The following SDK1 variants were observed in gnomAD, a reference collection of about 807,000 sequenced individuals.
SDK1 encodes sidekick cell adhesion molecule 1.
SDK1 carries 157 observed loss-of-function variants against 245.5 expected under a neutral mutation model. The observed-to-expected ratio is 0.64, with a 90% CI of 0.56 to 0.73. The LOEUF (loss-of-function observed/expected upper bound fraction) is 0.73. Ranked by LOEUF, SDK1 falls within the 30% of genes least tolerant of loss-of-function variation. The pLI is 0.00. For synonymous variants in SDK1, 1,647 were observed against 1,278.5 expected (o/e 1.29, Z -6.15); for missense variants, 3,583 against 3,002.3 (o/e 1.19, Z -4.52).
intron 1 of SDK1, among the ~76,000 whole-genome samples, chr7:3,410,875 C>G (rs1271806126): frequency 6.6e-6 from 1 of 152,212 alleles, no homozygotes; most frequent in African/African-American, 2.4e-5. Context: ...GTTTGAGCTA[C>G]CACGCCCAGC....
chr7:3,828,658 TTTTTTTTG>T (rs1356159836), intron 5 of SDK1, among the ~76,000 whole-genome samples: 11 of 27,052 alleles, frequency 4.1e-4, no homozygotes, highest in African/African-American at 1.2e-3. Flanking sequence ...TCTTTTTTTT[TTTTTTTTG>T]TTTTTTTGAC....
At chr7:3,563,110 A>G (rs1016825337) in intron 1 of SDK1, among the ~76,000 whole-genome samples, 2 of 152,216 alleles carry the variant, frequency 1.3e-5, no homozygotes, top group African/African-American at 4.8e-5. Flanking sequence ...TGCTGGGGAG[A>G]CATTGTGAAA....
At chr7:3,981,100 C>T (rs1783366418) in intron 13 of SDK1, among the ~76,000 whole-genome samples, 1 of 152,098 alleles carries the variant, frequency 6.6e-6, no homozygotes, top group African/African-American at 2.4e-5. Flanking sequence ...TGCAATTTTT[C>T]CAACGGCACC....
chr7:3,564,452 A>G (rs1281638780), intron 1 of SDK1, among the ~76,000 whole-genome samples: 9 of 152,028 alleles, frequency 5.9e-5, no homozygotes, highest in African/African-American at 2.2e-4. Context: ...TTGCGCAACT[A>G]CTTTCCATCT....
intron 1 of SDK1, among the ~76,000 whole-genome samples, chr7:3,588,601 C>T (rs1316951447): frequency 6.6e-6 from 1 of 152,114 alleles, no homozygotes; most frequent in African/African-American, 2.4e-5. Flanking sequence ...TCTCTTCAGT[C>T]AGTGGCTTAA....
chr7:3,769,845 C>G (rs1301028349), intron 4 of SDK1, among the ~76,000 whole-genome samples: 1 of 151,704 alleles, frequency 6.6e-6, no homozygotes, highest in Non-Finnish European at 1.5e-5. Flanking sequence ...GGTCCCTAGC[C>G]AGTTTTCCTG....
At chr7:3,444,246 C>T (rs778211781) in intron 1 of SDK1, among the ~76,000 whole-genome samples, 1 of 152,178 alleles carries the variant, frequency 6.6e-6, no homozygotes, top group African/African-American at 2.4e-5. Context: ...GCAGTGTGGT[C>T]TTACAGTATT....
chr7:3,602,983 G>C (rs181981859), intron 1 of SDK1, among the ~76,000 whole-genome samples: 2 of 152,292 alleles, frequency 1.3e-5, no homozygotes, highest in African/African-American at 2.4e-5. Context: ...AGATCAGATA[G>C]TTGTAGATAT....
chr7:4,210,859 C>G (rs775481189), intron 38 of SDK1, among the ~76,000 whole-genome samples: 13 of 152,214 alleles, frequency 8.5e-5, no homozygotes, highest in Non-Finnish European at 1.9e-4. Context: ...GTGATCAGTG[C>G]TTTGGAGGAA....
chr7:3,733,915 A>G (rs1004410747), intron 4 of SDK1, among the ~76,000 whole-genome samples: 2 of 150,882 alleles, frequency 1.3e-5, no homozygotes, highest in Non-Finnish European at 3.0e-5. Context: ...GCCCAGAGCT[A>G]CTGACCGAGA....
chr7:4,073,741 C>T (rs138326112), intron 20 of SDK1, among the ~76,000 whole-genome samples: 2,092 of 152,194 alleles, frequency 0.014, 43 homozygotes, highest in African/African-American at 0.042. Context: ...GAGGAGGAGG[C>T]GCTTTGAGAG....
chr7:3,691,496 A>G (rs1401347916), intron 4 of SDK1, among the ~76,000 whole-genome samples: 3 of 152,228 alleles, frequency 2.0e-5, no homozygotes, highest in Non-Finnish European at 4.4e-5. Context: ...TGGCTCAAAA[A>G]GTAGGATACT....
Position 3,619,253 on chromosome 7 carries a change from T to C in SDK1, c.458+14T>C. The C allele has an allele frequency of 1.3e-6, 2 of 1,589,864 alleles. No individual in the cohort carries two copies. The highest frequency in any genetic ancestry group is 1.7e-6 in the Non-Finnish European group (2 of 1,159,908). ...CAGCGAATATAAGTAATTGATCGCTTGAAAAAATAAGATCCCATTTCAGTT... is the reference window on the plus strand; with the variant it reads ...CAGCGAATATAAGTAATTGATCGCTCGAAAAAATAAGATCCCATTTCAGTT... On this transcript the variant is annotated intron_variant, in intron 2 of 44. Transcript: ENST00000404826.
chr7:4,195,499 C>T (rs1241764975), intron 35 of SDK1, among the ~76,000 whole-genome samples: 3 of 152,200 alleles, frequency 2.0e-5, no homozygotes, highest in African/African-American at 4.8e-5. Flanking sequence ...AATGAGTCCC[C>T]TCCCGCCTGG....
intron 1 of SDK1, among the ~76,000 whole-genome samples, chr7:3,573,189 C>G (rs891218548): frequency 6.6e-6 from 1 of 152,118 alleles, no homozygotes; most frequent in Admixed American, 6.5e-5. Flanking sequence ...GGAAGATTAC[C>G]CTGGTCTCAG....
rs61459848 is a variant in SDK1, at chr7:4,177,179, C to T, written c.4997-1306C>T. On this transcript the variant is annotated intron_variant, in intron 34 of 44. Coordinates refer to ENST00000404826, the MANE Select transcript of SDK1 (RefSeq NM_152744.4). ...CTGTAAGCATCTCTTTGAAGGCAGCCGTCCAAGGACGGGCGCCTGAGTCAC... is the reference window on the plus strand; with the variant it reads ...CTGTAAGCATCTCTTTGAAGGCAGCTGTCCAAGGACGGGCGCCTGAGTCAC... Among the ~76,000 whole-genome samples, 375 of 152,308 alleles carry T rather than the reference C, an allele frequency of 2.5e-3. 1 individual carries two copies. Among genetic ancestry groups the T allele is most frequent in the African/African-American group, 8.4e-3 (348 of 41,578 alleles).
chr7:3,807,961 C>T (rs966018182), intron 4 of SDK1, among the ~76,000 whole-genome samples: 1 of 152,124 alleles, frequency 6.6e-6, no homozygotes, highest in Non-Finnish European at 1.5e-5. Context: ...GGGATGGATA[C>T]AATTATTATC....
At position 4,114,237 on chromosome 7, in the gene SDK1, GT is replaced by G; in HGVS notation, c.3787del (p.Trp1263GlyfsTer33). 6.2e-7 allele frequency: 1 copy of G among 1,611,920 alleles called. No homozygotes were observed. The highest frequency in any genetic ancestry group is 8.5e-7 in the Non-Finnish European group (1 of 1,179,410). On this transcript the variant is annotated frameshift_variant, in exon 25 of 45. Coordinates refer to ENST00000404826, the MANE Select transcript of SDK1 (RefSeq NM_152744.4). LOFTEE classifies it high-confidence loss of function. ...QAFNAVGAGP[W>X]SEVVRGRTRE... ...CCTTCAACGCCGTCGGGGCTGGGCC[GT>G]GGAGCGAGGTGGTGCGGGGCCGGAC...
intron 1 of SDK1, among the ~76,000 whole-genome samples, chr7:3,565,056 C>T (rs1779867257): frequency 6.6e-6 from 1 of 151,124 alleles, no homozygotes; most frequent in Admixed American, 6.6e-5. Context: ...GTGGTAAGAT[C>T]ACATGACAAT....
Sources: allele counts gnomAD v4.1 joint callset (sites outside exome capture counted in the v4.1 genomes callset), GRCh38; gene constraint gnomAD v4.1.1; transcripts MANE v1.5; gene names NCBI Gene and HGNC (gene_info 2026-07-23, HGNC 2026-07-21).